The following RIMS2 variants were observed in gnomAD, a reference collection of about 807,000 sequenced individuals.
RIMS2 encodes regulating synaptic membrane exocytosis 2.
A neutral mutation model predicts 174.4 loss-of-function variants in RIMS2; 59 were observed. The observed-to-expected ratio is 0.34, with a 90% CI of 0.27 to 0.42. The LOEUF (loss-of-function observed/expected upper bound fraction) is 0.42, where lower values mean the gene tolerates loss of function less well. RIMS2 is among the 10% of genes least tolerant of loss of function. The probability of loss-of-function intolerance (pLI) is 1.00; values close to 1 mark genes in which losing one functional copy is unlikely to be tolerated. For synonymous variants in RIMS2, 606 were observed against 572.5 expected, an observed-to-expected ratio of 1.06 and a Z score of -0.84; for missense variants, 1,620 against 1,666.3, an observed-to-expected ratio of 0.97 and a Z score of 0.48.
At chr8:103,976,890 G>T (rs2093493020) in intron 16 of RIMS2, 1 of 152,118 alleles carries the variant, frequency 6.6e-6, no homozygotes, top group Admixed American at 6.6e-5. Flanking sequence ...GCAGCTACAG[G>T]TCTTAAGCTT....
At chr8:103,792,487 C>T (rs767127934) in intron 3 of RIMS2, among the ~76,000 whole-genome samples, 14 of 152,090 alleles carry the variant, frequency 9.2e-5, no homozygotes, top group Non-Finnish European at 2.1e-4. Flanking sequence ...CTAAAATTGA[C>T]ACCCTAACAT....
chr8:103,501,790 C>G (rs1036742758), intron 1 of RIMS2: 1 of 152,304 alleles, frequency 6.6e-6, no homozygotes, highest in Non-Finnish European at 1.5e-5. Context: ...TTGGGATGCT[C>G]CCTACCTTGT....
chr8:104,057,642 T>G (rs1339846546), intron 19 of RIMS2, among the ~76,000 whole-genome samples: 1 of 151,512 alleles, frequency 6.6e-6, no homozygotes, highest in Admixed American at 6.6e-5. Context: ...TATGTATACA[T>G]GTGCCATGCT....
chr8:103,812,931 G>T lies in RIMS2; in HGVS notation c.698+46394G>T, dbSNP rs1274642575. ...GATTTTTATCAGTCGGATGCTTCAAGTAGTCAGTAGAACAAGAATAATGCA... is the reference window on the plus strand; with the variant it reads ...GATTTTTATCAGTCGGATGCTTCAATTAGTCAGTAGAACAAGAATAATGCA... On this transcript the variant is annotated intron_variant, in intron 3 of 23. Coordinates refer to ENST00000504942, the Ensembl canonical transcript of RIMS2. Among the ~76,000 whole-genome samples, 5 of 152,154 alleles carry T rather than the reference G, an allele frequency of 3.3e-5. No individual in the cohort carries two copies. The East Asian group carries it at 9.6e-4, about 29-fold the overall frequency.
At chr8:103,936,937 T>TA (rs1021210045) in intron 13 of RIMS2, among the ~76,000 whole-genome samples, 13 of 151,734 alleles carry the variant, frequency 8.6e-5, no homozygotes, top group African/African-American at 2.9e-4. Flanking sequence ...CTACTACAGA[T>TA]ACAAAAATAA....
At position 103,766,465 on chromosome 8, in the gene RIMS2, T is replaced by G. The variant is rs889725352; in HGVS notation, c.626T>G (p.Leu209Arg). 4 of 1,613,760 alleles carry G rather than the reference T, an allele frequency of 2.5e-6. No homozygotes were observed. The African/African-American group carries it at 4.0e-5, about 16-fold the overall frequency. ...GTGGAGAAAAGTCGATCTCATGGGCTCACAAGACAGCATTCTATTAAAAAT... is the reference window on the plus strand; with the variant it reads ...GTGGAGAAAAGTCGATCTCATGGGCGCACAAGACAGCATTCTATTAAAAAT... The change falls in exon 3 of 24, where the codon CTC becomes CGC. Residue 209 changes from leucine (L) to arginine (R), a missense_variant. Leu to Arg is a moderately radical substitution (Grantham distance 102, BLOSUM62 -2). Transcript: ENST00000504942.
At chr8:103,962,714 C>T (rs1036334641) in intron 15 of RIMS2, among the ~76,000 whole-genome samples, 4 of 152,068 alleles carry the variant, frequency 2.6e-5, no homozygotes, top group African/African-American at 9.7e-5. Context: ...TCCTCAACTT[C>T]CCCAGGCTCA....
intron 19 of RIMS2, among the ~76,000 whole-genome samples, chr8:104,133,038 A>G (rs557984807): frequency 1.2e-4 from 19 of 152,330 alleles, no homozygotes; most frequent in African/African-American, 4.3e-4. Flanking sequence ...TATTCATCTT[A>G]TACTACTGGT....
At position 104,074,680 on chromosome 8, in the gene RIMS2, G is replaced by T. The variant is rs2097258054; in HGVS notation, c.3334+60065G>T. Among the ~76,000 whole-genome samples the T allele has an allele frequency of 2.6e-5, 4 of 152,046 alleles. No individual in the cohort carries two copies. The South Asian group carries it at 8.3e-4, about 32-fold the overall frequency. ...GAAAAAAATTTATGAATCTTAAGGG[G>T]ATATGAAGATTTTTTTTAATTAAAG... On this transcript the variant is annotated intron_variant, in intron 19 of 23. Transcript: ENST00000504942.
At chr8:103,842,171 G>C (rs1247409939) in intron 3 of RIMS2, among the ~76,000 whole-genome samples, 1 of 151,780 alleles carries the variant, frequency 6.6e-6, no homozygotes. Context: ...CAAAATCCTG[G>C]TTTTCTATTG....
At chr8:104,114,792 G>A (rs1197538138) in intron 19 of RIMS2, among the ~76,000 whole-genome samples, 1 of 151,770 alleles carries the variant, frequency 6.6e-6, no homozygotes, top group Non-Finnish European at 1.5e-5. Flanking sequence ...TATGCTTACA[G>A]TATTTTTATT....
chr8:103,899,835 G>A (rs2099317308), intron 4 of RIMS2, among the ~76,000 whole-genome samples: 2 of 151,752 alleles, frequency 1.3e-5, no homozygotes, highest in South Asian at 2.1e-4. Context: ...TTTTCTTCTA[G>A]GGTTTTTATG....
intron 19 of RIMS2, among the ~76,000 whole-genome samples, chr8:104,110,043 A>G (rs887972171): frequency 6.6e-6 from 1 of 152,192 alleles, no homozygotes; most frequent in Non-Finnish European, 1.5e-5. Context: ...AAGTGTACAA[A>G]TGATTACAAT....
At chr8:103,652,091 A>G (rs1462969688) in intron 1 of RIMS2, 114 bp from the exon 2 acceptor site, 1 of 372,398 alleles carries the variant, frequency 2.7e-6, no homozygotes, top group East Asian at 7.3e-5. Context: ...CAAAGCACTA[A>G]GTCTTTCTAT....
intron 1 of RIMS2, among the ~76,000 whole-genome samples, chr8:103,507,862 T>G (rs1383710547): frequency 6.6e-6 from 1 of 152,082 alleles, no homozygotes; most frequent in African/African-American, 2.4e-5. Context: ...CACAGAAGGC[T>G]TTGGATAGAA....
chr8:103,661,706 G>A (rs1198934909), intron 1 of RIMS2, among the ~76,000 whole-genome samples: 3 of 152,082 alleles, frequency 2.0e-5, no homozygotes, highest in Non-Finnish European at 2.9e-5. Context: ...GGGTTTCACC[G>A]TGTTTCCCAG....
At chr8:104,101,762 C>CT (rs1397116178) in intron 19 of RIMS2, among the ~76,000 whole-genome samples, 19 of 152,066 alleles carry the variant, frequency 1.2e-4, no homozygotes, top group Non-Finnish European at 1.3e-4. Flanking sequence ...AGTTATTTAA[C>CT]TTTTTGTTAC....
intron 1 of RIMS2, among the ~76,000 whole-genome samples, chr8:103,676,540 C>T (rs1367212230): frequency 1.3e-5 from 2 of 151,290 alleles, no homozygotes; most frequent in South Asian, 2.1e-4. Flanking sequence ...AATTCTTCTT[C>T]TCAGTTAGTT....
At chr8:104,134,583 TTGTGTAAGC>T (rs1480881577) in intron 19 of RIMS2, among the ~76,000 whole-genome samples, 1 of 152,210 alleles carries the variant, frequency 6.6e-6, no homozygotes, top group Admixed American at 6.5e-5. Context: ...TCAGTCAGAA[TTGTGTAAGC>T]TGAACCAATT....
Sources: allele counts gnomAD v4.1 joint callset (sites outside exome capture counted in the v4.1 genomes callset), GRCh38; gene constraint gnomAD v4.1.1; transcripts MANE v1.5; gene names NCBI Gene and HGNC (gene_info 2026-07-23, HGNC 2026-07-21).